Variants in CRLF3 observed in about 807,000 individuals in gnomAD.
CRLF3 encodes cytokine receptor like factor 3, also known as cytokine receptor-like factor 3.
In CRLF3, 33 loss-of-function variants were observed where a neutral mutation model predicts 55.0. The ratio of observed to expected loss-of-function variants is 0.60; its 90% CI spans 0.46 to 0.80. The LOEUF is 0.80. CRLF3 is among the 30% of genes least tolerant of loss of function. The pLI is 0.00. For synonymous variants in CRLF3, 238 were observed against 196.8 expected (o/e 1.21, Z -1.75); for missense variants, 494 against 538.4 (o/e 0.92, Z 0.82).
intron 2 of CRLF3, among the ~76,000 whole-genome samples, chr17:30,803,364 C>T (rs1218220034): frequency 6.6e-6 from 1 of 152,084 alleles, no homozygotes; most frequent in Admixed American, 6.6e-5. Context: ...CTGCACTTGC[C>T]ATGCGATACC....
At chr17:30,792,690 C>G (rs1243129275) in intron 5 of CRLF3, 118 bp from the exon 6 acceptor site, 1 of 855,962 alleles carries the variant, frequency 1.2e-6, no homozygotes, top group African/African-American at 1.7e-5. Flanking sequence ...TGGTCAAGTT[C>G]AATAAAATAA....
rs1972032620 is a variant in CRLF3, at chr17:30,803,162, T to G, written c.337+739A>C. Among the ~76,000 whole-genome samples, 5 of 145,554 alleles carry G rather than the reference T, an allele frequency of 3.4e-5. No homozygotes were observed. In the South Asian group the frequency reaches 1.2e-3, roughly 34 times the overall value. On this transcript the variant is annotated intron_variant, in intron 2 of 7. Transcript: ENST00000324238. ...CCTGGGCAACAGAGCAAAACCCCTGTGTCAAAAAAAAAATATATATATATA... is the reference window on the plus strand; with the variant it reads ...CCTGGGCAACAGAGCAAAACCCCTGGGTCAAAAAAAAAATATATATATATA...
intron 5 of CRLF3, among the ~76,000 whole-genome samples, chr17:30,793,148 CTAAATAACATT>C (rs1971848866): frequency 6.6e-6 from 1 of 151,704 alleles, no homozygotes; most frequent in African/African-American, 2.4e-5. Context: ...AAAAAACTAA[CTAAATAACATT>C]CAAATATAAA....
intron 3 of CRLF3, among the ~76,000 whole-genome samples, chr17:30,796,911 C>T (rs543770392): frequency 6.6e-6 from 1 of 151,768 alleles, no homozygotes; most frequent in Admixed American, 6.6e-5. Flanking sequence ...TTATTTTATA[C>T]TTATTTTGAG....
At chr17:30,793,860 A>G (rs544256090) in intron 4 of CRLF3, among the ~76,000 whole-genome samples, 188 bp from the exon 5 acceptor site, 1 of 151,394 alleles carries the variant, frequency 6.6e-6, no homozygotes, top group East Asian at 1.9e-4. Flanking sequence ...TTTTTTTGAG[A>G]AAGGGTCTCA....
At chr17:30,787,417 TC>T (rs1398687648) in intron 6 of CRLF3, 1 of 152,206 alleles carries the variant, frequency 6.6e-6, no homozygotes, top group Non-Finnish European at 1.5e-5. Flanking sequence ...TTTAAGCTTT[TC>T]CTTTTGTGTT....
intron 1 of CRLF3, among the ~76,000 whole-genome samples, chr17:30,807,549 T>TG (rs1904451649): frequency 2.4e-5 from 3 of 126,024 alleles, no homozygotes; most frequent in Non-Finnish European, 4.9e-5. Context: ...TTTTTTTTTT[T>TG]GACACAGAGT....
chr17:30,806,451 T>C (rs979500507), intron 1 of CRLF3, among the ~76,000 whole-genome samples: 2 of 152,016 alleles, frequency 1.3e-5, no homozygotes, highest in African/African-American at 4.8e-5. Context: ...AACCAGAAAA[T>C]GACAGGAGGG....
chr17:30,815,541 CTTTTTT>C (rs57194440), intron 1 of CRLF3, among the ~76,000 whole-genome samples: 1 of 116,414 alleles, frequency 8.6e-6, no homozygotes, highest in Non-Finnish European at 1.7e-5. Flanking sequence ...CTAGTTTCTT[CTTTTTT>C]TTTTTTTTTT....
intron 1 of CRLF3, 120 bp downstream of exon 1, chr17:30,824,403 A>T: frequency 2.8e-6 from 3 of 1,054,390 alleles, no homozygotes; most frequent in Non-Finnish European, 3.9e-6. Flanking sequence ...TTTCAAATGA[A>T]TGCCTCTTCC....
At chr17:30,821,458 T>C (rs1348393834) in intron 1 of CRLF3, among the ~76,000 whole-genome samples, 1 of 152,176 alleles carries the variant, frequency 6.6e-6, no homozygotes, top group Non-Finnish European at 1.5e-5. Context: ...ACTGAAAACA[T>C]GTCCACACAA....
intron 2 of CRLF3, among the ~76,000 whole-genome samples, chr17:30,797,630 A>G (rs9911997): frequency 0.13 from 19,321 of 152,166 alleles, 1,289 homozygotes; most frequent in South Asian, 0.25. Flanking sequence ...TGAAAAATCT[A>G]TCTACTCTAT....
intron 2 of CRLF3, among the ~76,000 whole-genome samples, chr17:30,802,248 G>A (rs576474832): frequency 2.7e-4 from 40 of 150,156 alleles, no homozygotes; most frequent in African/African-American, 8.8e-4. Context: ...TCAGCCTCCC[G>A]AGTAGCTAGG....
At chr17:30,792,600 T>G in intron 5 of CRLF3, 28 bp from the exon 6 acceptor site, 1 of 1,582,150 alleles carries the variant, frequency 6.3e-7, no homozygotes, top group Non-Finnish European at 8.7e-7. Flanking sequence ...TATTGAAAAC[T>G]GTTAGAATCT....
At chr17:30,797,779 T>TG (rs1971942930) in intron 2 of CRLF3, among the ~76,000 whole-genome samples, 1 of 143,066 alleles carries the variant, frequency 7.0e-6, no homozygotes, top group African/African-American at 2.6e-5. Flanking sequence ...TAGGGTGTTT[T>TG]TTTTTTTTTT....
chr17:30,792,515 C>T lies in CRLF3; in HGVS notation c.884G>A (p.Arg295Gln), dbSNP rs774317573. 7 of 1,612,906 alleles carry T rather than the reference C, an allele frequency of 4.3e-6. No homozygotes were observed. Among genetic ancestry groups the T allele is most frequent in the Admixed American group, 1.7e-5 (1 of 59,994 alleles). Residue 295 changes from arginine (R) to glutamine (Q), a missense_variant, in exon 6 of 8, where the codon CGG becomes CAG. Transcript: ENST00000324238. ...AACACCCGATGATTCAGAATCGTTC[C>T]GAAGTGCTATATTTCTTCGACTGCT... The part of the protein sequence containing the change: ...SLSSRRNIAL[R>Q]NDSESSGVLY...
chr17:30,793,108 G>T (rs111796878), intron 5 of CRLF3, among the ~76,000 whole-genome samples: 4,249 of 151,588 alleles, frequency 0.028, 201 homozygotes, highest in African/African-American at 0.098. Context: ...CCACACACCA[G>T]CCTGGGCGAC....
intron 1 of CRLF3, among the ~76,000 whole-genome samples, chr17:30,821,579 A>G (rs1904999484): frequency 6.6e-6 from 1 of 152,250 alleles, no homozygotes; most frequent in South Asian, 2.1e-4. Context: ...GTATATCCAC[A>G]TAACAATTAT....
chr17:30,784,620 T>C (rs780795724), intron 7 of CRLF3, 177 bp from the exon 8 acceptor site: 1 of 565,500 alleles, frequency 1.8e-6, no homozygotes, highest in Admixed American at 3.3e-5. Flanking sequence ...CAGCAGAGAC[T>C]ATGAGTTTCC....
Sources: gnomAD v4.1 joint callset for allele counts (sites outside exome capture counted in the v4.1 genomes callset) on GRCh38, gnomAD v4.1.1 for gene constraint, MANE v1.5 for transcripts, NCBI Gene and HGNC (gene_info 2026-07-23, HGNC 2026-07-21) for gene names.